GAS7: variants seen among roughly 807,000 people sequenced by gnomAD.
The protein encoded by GAS7 is growth arrest-specific protein 7.
Under a neutral mutation model 71.1 loss-of-function variants are expected in GAS7, and 28 were observed. The observed-to-expected ratio is 0.39, with a 90% CI of 0.29 to 0.54. The LOEUF is 0.54. GAS7 is among the 20% of genes least tolerant of loss of function. The probability of loss-of-function intolerance (pLI) is 0.62; values close to 1 mark genes in which losing one functional copy is unlikely to be tolerated. For synonymous variants in GAS7, 258 were observed against 245.8 expected (o/e 1.05, Z -0.46); for missense variants, 436 against 627.8 (o/e 0.69, Z 3.27).
rs952136995 is a variant in GAS7 at position 9,911,918 on chromosome 17, C to T, written c.*5310G>A. The T allele has an allele frequency of 1.3e-5, 3 of 231,994 alleles. No homozygotes were observed. The highest frequency in any genetic ancestry group is 2.6e-5 in the Non-Finnish European group (3 of 117,394). 14.4% of individuals were successfully genotyped at this position (231,994 alleles called of 1,614,324 possible). On this transcript the variant is annotated 3_prime_UTR_variant, in exon 14 of 14. Coordinates refer to ENST00000432992, the MANE Select transcript of GAS7 (RefSeq NM_201433.2). This position sits in a 1 kb window ranked among gnomAD's most constrained non-coding sequence, Gnocchi z 4.0. ...AGGGGTCACACTCAGCCTGGTCTGG[C>T]CTTAACTGGGTGTGGTCCTGTCCCT...
intron 1 of GAS7, among the ~76,000 whole-genome samples, chr17:10,085,691 CAAAAAAA>C (rs1194345705): frequency 1.7e-5 from 1 of 58,252 alleles, no homozygotes; most frequent in Non-Finnish European, 3.2e-5. Flanking sequence ...GATTCCGTCT[CAAAAAAA>C]AAAAAAAAAA....
At chr17:10,048,764 C>T (rs1200358164) in intron 1 of GAS7, among the ~76,000 whole-genome samples, 1 of 152,190 alleles carries the variant, frequency 6.6e-6, no homozygotes, top group African/African-American at 2.4e-5. Context: ...TCTCCTTACC[C>T]TCCAGGCACT....
chr17:9,921,249 C>T lies in GAS7; in HGVS notation c.1139-1544G>A, dbSNP rs60857837. ...TCGGCTCACTGCAACCTCCACCTCC[C>T]GGGTTCAAGTGATTCTTCTGCCTCA... On this transcript the variant is annotated intron_variant, in intron 11 of 13. Transcript: ENST00000432992. Among the ~76,000 whole-genome samples, 994 of 151,626 alleles carry T rather than the reference C, an allele frequency of 6.6e-3. 14 individuals are homozygous for T. The highest frequency in any genetic ancestry group is 0.023 in the African/African-American group (949 of 41,310).
intron 2 of GAS7, among the ~76,000 whole-genome samples, chr17:9,985,476 C>A (rs542604932): frequency 1.3e-3 from 195 of 152,354 alleles, no homozygotes; most frequent in Non-Finnish European, 2.4e-3. Context: ...CCTGCTCCCC[C>A]ATCCCTGGAT....
At chr17:9,964,705 C>G (rs542629748) in intron 4 of GAS7, among the ~76,000 whole-genome samples, 1 of 152,204 alleles carries the variant, frequency 6.6e-6, no homozygotes, top group Non-Finnish European at 1.5e-5. Flanking sequence ...TCCACTTCCT[C>G]CAGCCTTTGT....
At chr17:9,958,020 AT>A (rs148546071) in intron 5 of GAS7, among the ~76,000 whole-genome samples, 1,618 of 152,182 alleles carry the variant, frequency 0.011, 28 homozygotes, top group African/African-American at 0.037. Context: ...AGCACTTACT[AT>A]ATGCAGGCTC....
intron 1 of GAS7, among the ~76,000 whole-genome samples, chr17:10,072,342 C>T (rs1311591566): frequency 6.6e-6 from 1 of 152,176 alleles, no homozygotes; most frequent in East Asian, 1.9e-4. Context: ...CAGGCCCCTG[C>T]TGGCAGCCCC....
chr17:9,967,410 C>G (rs911275251), intron 4 of GAS7, among the ~76,000 whole-genome samples: 5 of 117,758 alleles, frequency 4.2e-5, no homozygotes, highest in African/African-American at 6.6e-5. Flanking sequence ...CTACTAGTTG[C>G]CAGTAGCACC....
intron 1 of GAS7, among the ~76,000 whole-genome samples, chr17:10,141,335 C>T (rs1193497015): frequency 6.6e-6 from 1 of 152,098 alleles, no homozygotes; most frequent in East Asian, 1.9e-4. Flanking sequence ...GTAGTCCCAG[C>T]TACTCGGGAG....
At chr17:10,191,185 AAAAG>A (rs1017174509) in intron 1 of GAS7, among the ~76,000 whole-genome samples, 14 of 152,068 alleles carry the variant, frequency 9.2e-5, no homozygotes, top group South Asian at 2.1e-4. Context: ...CAAAAAAAAA[AAAAG>A]AAAGTTTCCA....
intron 2 of GAS7, among the ~76,000 whole-genome samples, chr17:10,013,675 C>T (rs1196997169): frequency 6.6e-6 from 1 of 152,214 alleles, no homozygotes; most frequent in Non-Finnish European, 1.5e-5. Flanking sequence ...TCTGGCCCAA[C>T]GCCGTTTACT....
chr17:10,102,205 TA>T (rs34961542), intron 1 of GAS7, among the ~76,000 whole-genome samples: 1,299 of 70,266 alleles, frequency 0.018, 29 homozygotes, highest in African/African-American at 0.057. Context: ...AGAGTGCCCG[TA>T]AAAAAAAAAA....
chr17:10,126,449 C>T (rs1011993888), intron 1 of GAS7, among the ~76,000 whole-genome samples: 8 of 151,362 alleles, frequency 5.3e-5, no homozygotes, highest in Admixed American at 6.6e-5. Flanking sequence ...CACACGCGCG[C>T]GCGCACACGC....
chr17:10,042,046 T>C (rs145847372), intron 1 of GAS7, among the ~76,000 whole-genome samples: 6,502 of 152,172 alleles, frequency 0.043, 466 homozygotes, highest in African/African-American at 0.15. Flanking sequence ...CCTGTAATCC[T>C]AGCACGTTGG....
chr17:9,947,787 A>G (rs1239957857), intron 5 of GAS7, among the ~76,000 whole-genome samples: 1 of 150,520 alleles, frequency 6.6e-6, no homozygotes, highest in Non-Finnish European at 1.5e-5. Flanking sequence ...AAGAAAATTT[A>G]ACAAGGAAAA....
Position 9,940,204 on chromosome 17 carries a change from C to T in GAS7, c.732-4G>A, listed in dbSNP as rs758593711. The T allele has an allele frequency of 5.0e-6, 8 of 1,611,300 alleles. No homozygotes were observed. In the Admixed American group the frequency reaches 1.3e-4, roughly 27 times the overall value. The stretch of plus-strand genomic sequence containing the variant: ...ATAGTCTTCTTCAATCTTTATCCTG[C>T]AAAGAGAGAAAACCCAACACACATC... On this transcript the variant is annotated splice_polypyrimidine_tract_variant and splice_region_variant and intron_variant, in intron 7 of 13. Transcript: ENST00000432992.
intron 1 of GAS7, among the ~76,000 whole-genome samples, chr17:10,176,008 A>G (rs2074371911): frequency 6.6e-6 from 1 of 152,162 alleles, no homozygotes; most frequent in South Asian, 2.1e-4. Flanking sequence ...TTCCCCACGG[A>G]CAATGAACCC....
At position 10,177,276 on chromosome 17, in the gene GAS7, G is replaced by A. The variant is rs113128865; in HGVS notation, c.183+20932C>T. ...GGGCCTCTAGACAGAAGCTGCAGCC[G>A]AGCAAAGGCACAGAGGTGTCAGGTT... On this transcript the variant is annotated intron_variant, in intron 1 of 13. Transcript: ENST00000432992. Among the ~76,000 whole-genome samples the A allele has an allele frequency of 7.0e-4, 107 of 152,250 alleles. 1 individual carries two copies. The highest frequency in any genetic ancestry group is 2.1e-3 in the African/African-American group (89 of 41,538).
chr17:9,948,733 G>C (rs2068887285), intron 5 of GAS7, among the ~76,000 whole-genome samples: 1 of 152,014 alleles, frequency 6.6e-6, no homozygotes, highest in African/African-American at 2.4e-5. Context: ...CCTAGCTAAG[G>C]AGCGTGAAGT....
Sources: allele counts gnomAD v4.1 joint callset (sites outside exome capture counted in the v4.1 genomes callset), GRCh38; gene constraint gnomAD v4.1.1; non-coding constraint Gnocchi (gnomAD v3.1); transcripts MANE v1.5; gene names NCBI Gene and HGNC (gene_info 2026-07-23, HGNC 2026-07-21).